Variants in KCTD16 observed in about 807,000 individuals in gnomAD.
KCTD16 encodes potassium channel tetramerization domain containing 16.
A neutral mutation model predicts 33.2 loss-of-function variants in KCTD16; 13 were observed. That is an observed-to-expected ratio of 0.39 (90% CI 0.25 to 0.62). The LOEUF is 0.62. Ranked by LOEUF, KCTD16 falls within the 20% of genes least tolerant of loss-of-function variation. KCTD16 has a pLI of 0.50. For synonymous variants in KCTD16, 197 were observed against 195.3 expected, an observed-to-expected ratio of 1.01 and a Z score of -0.07; for missense variants, 441 against 525.1, an observed-to-expected ratio of 0.84 and a Z score of 1.57.
At chr5:144,207,975 A>G (rs954449030) in intron 3 of KCTD16, among the ~76,000 whole-genome samples, 8 of 152,232 alleles carry the variant, frequency 5.3e-5, no homozygotes, top group African/African-American at 1.9e-4. Context: ...TGGTTGCTGA[A>G]GACTTGCTTT....
Position 144,345,954 on chromosome 5 carries a change from A to ATTTTT in KCTD16, c.833-127696_833-127692dup, listed in dbSNP as rs35514283. The stretch of plus-strand genomic sequence containing the variant: ...TCAAATAGTAGGTCTTATTCATTCT[A>ATTTTT]TTTTTTTTTTTTTTGTAGCTGTTAA... On this transcript the variant is annotated intron_variant, in intron 3 of 3. Transcript: ENST00000512467. Among the ~76,000 whole-genome samples, 1,070 of 140,708 alleles carry ATTTTT rather than the reference A, an allele frequency of 7.6e-3. 16 individuals carry two copies. The highest frequency in any genetic ancestry group is 0.032 in the Admixed American group (451 of 13,978). The allele number at this position is 140,708 out of a possible 152,430, so 92.3% of individuals were successfully genotyped here.
chr5:144,215,765 A>G (rs1190505534), intron 3 of KCTD16, among the ~76,000 whole-genome samples: 1 of 152,268 alleles, frequency 6.6e-6, no homozygotes, highest in Non-Finnish European at 1.5e-5. Context: ...ACTGGCATGG[A>G]TAAGACATAA....
chr5:144,174,679 G>C (rs900853235), intron 2 of KCTD16, among the ~76,000 whole-genome samples: 1 of 152,130 alleles, frequency 6.6e-6, no homozygotes, highest in African/African-American at 2.4e-5. Context: ...GGGAAGACAG[G>C]TTTGCCCGTA....
intron 3 of KCTD16, among the ~76,000 whole-genome samples, chr5:144,218,944 C>A (rs1410307631): frequency 6.6e-6 from 1 of 152,172 alleles, no homozygotes. Context: ...CACGAATATA[C>A]CCCATGAGTG....
intron 3 of KCTD16, among the ~76,000 whole-genome samples, chr5:144,299,146 ATATTTTTTTTTT>A (rs1751341546): frequency 9.7e-5 from 1 of 10,290 alleles, no homozygotes; most frequent in African/African-American, 5.9e-4. Context: ...ATATATATAT[ATATTTTTTTTTT>A]TTTTTTTAAC....
intron 2 of KCTD16, among the ~76,000 whole-genome samples, chr5:144,177,974 A>C (rs959985649): frequency 2.6e-5 from 4 of 152,188 alleles, no homozygotes; most frequent in African/African-American, 9.7e-5. Context: ...ACTATTGCAG[A>C]GTGGCAAACC....
rs1408556892 is a variant in KCTD16 at position 144,482,027 on chromosome 5, A to T, written c.*7913A>T. On this transcript the variant is annotated 3_prime_UTR_variant, in exon 4 of 4. Transcript: ENST00000512467. ...GAGGCTCAGAAAGATAAAGTAGCAC[A>T]TAAAGGCTCATAGCTAAAAAGTGGC... 2.6e-5 allele frequency: 4 copies of T among 151,972 alleles called. No individual in the cohort carries two copies. Among genetic ancestry groups the T allele is most frequent in the Non-Finnish European group, 5.9e-5 (4 of 67,942 alleles). 9.4% of individuals were successfully genotyped at this position (151,972 alleles called of 1,614,324 possible).
At chr5:144,355,554 G>T (rs1452108459) in intron 3 of KCTD16, among the ~76,000 whole-genome samples, 1 of 152,060 alleles carries the variant, frequency 6.6e-6, no homozygotes, top group Non-Finnish European at 1.5e-5. Context: ...CACCTCTGTG[G>T]GCCTTAGTTT....
At chr5:144,253,400 G>A (rs908451796) in intron 3 of KCTD16, among the ~76,000 whole-genome samples, 10 of 152,066 alleles carry the variant, frequency 6.6e-5, no homozygotes, top group Admixed American at 6.5e-4. Flanking sequence ...CTTATCACAG[G>A]CTATGATGTT....
intron 3 of KCTD16, among the ~76,000 whole-genome samples, chr5:144,469,042 T>G (rs1396379835): frequency 6.6e-6 from 1 of 152,186 alleles, no homozygotes; most frequent in East Asian, 1.9e-4. Context: ...AGTCCTCAGT[T>G]TTTCTAAGTT....
chr5:144,462,054 G>A (rs368285136), intron 3 of KCTD16, among the ~76,000 whole-genome samples: 1 of 152,036 alleles, frequency 6.6e-6, no homozygotes, highest in Non-Finnish European at 1.5e-5. Flanking sequence ...GATTCTGCTT[G>A]GGATTTGATT....
chr5:144,473,076 G>C (rs899017530), intron 3 of KCTD16, among the ~76,000 whole-genome samples: 2 of 152,110 alleles, frequency 1.3e-5, no homozygotes, highest in Non-Finnish European at 2.9e-5. Flanking sequence ...AAGAACCAAG[G>C]AGCTGAGGGG....
chr5:144,202,787 A>T (rs918702752), intron 2 of KCTD16, among the ~76,000 whole-genome samples: 3 of 152,224 alleles, frequency 2.0e-5, no homozygotes, highest in Non-Finnish European at 4.4e-5. Flanking sequence ...ATACCAATTC[A>T]AAATGTTTCA....
intron 3 of KCTD16, among the ~76,000 whole-genome samples, chr5:144,256,340 C>T (rs1437346890): frequency 6.6e-6 from 1 of 152,186 alleles, no homozygotes; most frequent in Non-Finnish European, 1.5e-5. Context: ...ACTATAAACA[C>T]TGTGACTTCA....
At chr5:144,403,054 G>GA (rs1225268107) in intron 3 of KCTD16, among the ~76,000 whole-genome samples, 2 of 152,180 alleles carry the variant, frequency 1.3e-5, no homozygotes, top group African/African-American at 4.8e-5. Context: ...CTTTGTGGCT[G>GA]AAAAGCCTTT....
At chr5:144,381,962 T>C (rs933039422) in intron 3 of KCTD16, among the ~76,000 whole-genome samples, 17 of 152,004 alleles carry the variant, frequency 1.1e-4, no homozygotes, top group African/African-American at 2.4e-5. Context: ...ATAGCAAAGA[T>C]ATGGAATCAA....
chr5:144,268,087 T>C (rs554097217), intron 3 of KCTD16, among the ~76,000 whole-genome samples: 2 of 152,184 alleles, frequency 1.3e-5, no homozygotes, highest in African/African-American at 4.8e-5. Flanking sequence ...TAAATTCTGG[T>C]TAATTTTAGT....
At chr5:144,227,973 C>T (rs2126809995) in intron 3 of KCTD16, among the ~76,000 whole-genome samples, 1 of 152,230 alleles carries the variant, frequency 6.6e-6, no homozygotes, top group Non-Finnish European at 1.5e-5. Context: ...ATTAGGAATT[C>T]AAAATCTGGA....
chr5:144,408,946 A>G (rs958630929), intron 3 of KCTD16, among the ~76,000 whole-genome samples: 83 of 152,346 alleles, frequency 5.4e-4, no homozygotes, highest in African/African-American at 1.8e-3. Flanking sequence ...TTTACATAGT[A>G]TCATGCTCTC....
Sources: gnomAD v4.1 joint callset for allele counts (sites outside exome capture counted in the v4.1 genomes callset) on GRCh38, gnomAD v4.1.1 for gene constraint, MANE v1.5 for transcripts, NCBI Gene and HGNC (gene_info 2026-07-23, HGNC 2026-07-21) for gene names.